Variants in OR1B1 observed in about 807,000 individuals in gnomAD.
OR1B1 encodes olfactory receptor 1B1.
For synonymous variants in OR1B1, 168 were observed against 156.2 expected (o/e 1.08, Z -0.57); for missense variants, 414 against 402.1 (o/e 1.03, Z -0.25).
At chr9:122,653,850 C>A in the OR1B1 span, among the ~76,000 whole-genome samples, 1 of 152,184 alleles carries the variant, frequency 6.6e-6, no homozygotes, top group Non-Finnish European at 1.5e-5. Flanking sequence ...AGCCTACTAA[C>A]AAAGATTCTG....
chr9:122,656,513 A>G, the OR1B1 span, among the ~76,000 whole-genome samples: 2 of 152,044 alleles, frequency 1.3e-5, no homozygotes, highest in East Asian at 1.9e-4. Context: ...GTCTGACCCA[A>G]CTTCCTCTCT....
chr9:122,629,028 A>G, exon 1 of OR1B1: 2 of 1,614,078 alleles, frequency 1.2e-6, no homozygotes, highest in Non-Finnish European at 1.7e-6. Context: ...TCCCCAGTCC[A>G]GCAAAGAGGC....
upstream of OR1B1, among the ~76,000 whole-genome samples, chr9:122,633,913 G>C (rs237624): frequency 0.66 from 95,673 of 144,318 alleles, 32,745 homozygotes; most frequent in East Asian, 0.92. Flanking sequence ...TGGGTGACAG[G>C]GTGAGACTAT....
upstream of OR1B1, among the ~76,000 whole-genome samples, chr9:122,632,849 C>T (rs1360943398): frequency 6.6e-6 from 1 of 152,078 alleles, no homozygotes; most frequent in Non-Finnish European, 1.5e-5. Flanking sequence ...TTTGTTTTCA[C>T]CCTGCTGATA....
the OR1B1 span, among the ~76,000 whole-genome samples, chr9:122,650,237 C>T: frequency 7.2e-5 from 11 of 151,834 alleles, no homozygotes; most frequent in Non-Finnish European, 1.5e-4. Flanking sequence ...CATCACACAC[C>T]GGGGCCTGTC....
chr9:122,648,770 A>C, the OR1B1 span, among the ~76,000 whole-genome samples: 1 of 152,202 alleles, frequency 6.6e-6, no homozygotes, highest in Non-Finnish European at 1.5e-5. Context: ...CAAATGGAAA[A>C]ACATTCCATG....
the OR1B1 span, among the ~76,000 whole-genome samples, chr9:122,634,594 G>A: frequency 1.6e-4 from 25 of 152,120 alleles, no homozygotes; most frequent in African/African-American, 3.6e-4. Flanking sequence ...GCACTATCAC[G>A]AGAACAGCAT....
the OR1B1 span, among the ~76,000 whole-genome samples, chr9:122,635,051 T>C: frequency 6.6e-6 from 1 of 152,124 alleles, no homozygotes; most frequent in Non-Finnish European, 1.5e-5. Context: ...GGAAAATAAA[T>C]CAGCACCTCA....
chr9:122,636,476 C>A, the OR1B1 span, among the ~76,000 whole-genome samples: 7 of 152,230 alleles, frequency 4.6e-5, no homozygotes, highest in East Asian at 1.4e-3. Flanking sequence ...ATTAGCCGAG[C>A]CTGGTGGCAG....
chr9:122,654,927 A>G, the OR1B1 span, among the ~76,000 whole-genome samples: 1 of 152,228 alleles, frequency 6.6e-6, no homozygotes, highest in African/African-American at 2.4e-5. Flanking sequence ...AAAATTACTA[A>G]AAGACTTTAA....
chr9:122,646,073 C>T, the OR1B1 span, among the ~76,000 whole-genome samples: 1 of 151,986 alleles, frequency 6.6e-6, no homozygotes, highest in African/African-American at 2.4e-5. Flanking sequence ...AGTTTTTATT[C>T]ATTTGCTTTT....
the OR1B1 span, among the ~76,000 whole-genome samples, chr9:122,646,831 G>C: frequency 6.6e-6 from 1 of 152,072 alleles, no homozygotes; most frequent in African/African-American, 2.4e-5. Flanking sequence ...AAGACTAAAT[G>C]ATGAACCAAT....
upstream of OR1B1, among the ~76,000 whole-genome samples, chr9:122,633,754 A>G (rs935528804): frequency 6.6e-6 from 1 of 151,594 alleles, no homozygotes; most frequent in Non-Finnish European, 1.5e-5. Context: ...ACATGGAAAA[A>G]CCTCGTCTCT....
At chr9:122,634,075 G>A (rs577260367), upstream of OR1B1, among the ~76,000 whole-genome samples, 4 of 152,118 alleles carry the variant, frequency 2.6e-5, no homozygotes, top group South Asian at 8.3e-4. Context: ...GGTGGCACAT[G>A]CCTGTAATCC....
chr9:122,645,457 T>C, the OR1B1 span, among the ~76,000 whole-genome samples: 1 of 151,956 alleles, frequency 6.6e-6, no homozygotes, highest in Non-Finnish European at 1.5e-5. Flanking sequence ...TAAGCAGATT[T>C]AACACAAAGA....
At chr9:122,631,707 C>A (rs369900926), upstream of OR1B1, among the ~76,000 whole-genome samples, 6 of 152,190 alleles carry the variant, frequency 3.9e-5, no homozygotes, top group East Asian at 1.2e-3. Context: ...GAGCTTAAAC[C>A]TGTATGAGGC....
upstream of OR1B1, among the ~76,000 whole-genome samples, chr9:122,632,748 A>C (rs78473123): frequency 0.05 from 7,644 of 152,256 alleles, 271 homozygotes; most frequent in South Asian, 0.13. Flanking sequence ...CCCAGGAGAC[A>C]GTACAAAGTG....
the OR1B1 span, among the ~76,000 whole-genome samples, chr9:122,637,853 C>G: frequency 6.6e-6 from 1 of 152,050 alleles, no homozygotes; most frequent in African/African-American, 2.4e-5. Flanking sequence ...TGGACAGTCC[C>G]AAAAACAAAA....
At position 122,629,519 on chromosome 9, in the gene OR1B1, G is replaced by C; in HGVS notation, c.17C>G (p.Pro6Arg). Residue 6 changes from proline to arginine, a missense_variant, in exon 1 of 1, where the codon CCT becomes CGT. Transcript: ENST00000623530. The stretch of plus-strand genomic sequence containing the variant: ...AAAAACCGGAGAGTGTGAAGCATTA[G>C]GGGCAAAGCTCATCATGAGTGACAG... 2 of 1,602,250 alleles carry C rather than the reference G, an allele frequency of 1.2e-6. No individual in the cohort carries two copies. Among genetic ancestry groups the C allele is most frequent in the Non-Finnish European group, 1.7e-6 (2 of 1,173,928 alleles).
Sources: gnomAD v4.1 joint callset for allele counts (sites outside exome capture counted in the v4.1 genomes callset) on GRCh38, gnomAD v4.1.1 for gene constraint, MANE v1.5 for transcripts, NCBI Gene and HGNC (gene_info 2026-07-23, HGNC 2026-07-21) for gene names.